RBMS3: variants seen among roughly 807,000 people sequenced by gnomAD.
RBMS3 encodes RNA binding motif single stranded interacting protein 3.
RBMS3 carries 27 observed loss-of-function variants against 66.8 expected under a neutral mutation model. The ratio of observed to expected loss-of-function variants is 0.40; its 90% CI spans 0.30 to 0.56. The LOEUF (loss-of-function observed/expected upper bound fraction) is 0.56. Among genes scored for constraint, RBMS3 ranks in the 20% least tolerant of loss-of-function variants. The pLI, the probability that RBMS3 is intolerant of heterozygous loss-of-function variation, is 0.40. For missense variants in RBMS3, 513 were observed against 549.5 expected (o/e 0.93, Z 0.66); for synonymous variants, 188 against 183.0 (o/e 1.03, Z -0.22).
intron 6 of RBMS3, among the ~76,000 whole-genome samples, chr3:29,838,321 A>G (rs1468409443): frequency 6.6e-6 from 1 of 152,098 alleles, no homozygotes; most frequent in Non-Finnish European, 1.5e-5. Context: ...CCTGGGTGAT[A>G]GAGTGAGACC....
At chr3:29,953,000 G>T (rs551091634) in intron 12 of RBMS3, among the ~76,000 whole-genome samples, 1 of 151,892 alleles carries the variant, frequency 6.6e-6, no homozygotes, top group South Asian at 2.1e-4. Flanking sequence ...GAAAACCAAG[G>T]ATCAACTATA....
intron 3 of RBMS3, among the ~76,000 whole-genome samples, chr3:29,584,763 A>T (rs1179548728): frequency 6.6e-6 from 1 of 152,102 alleles, no homozygotes; most frequent in Non-Finnish European, 1.5e-5. Context: ...TGCCTCCAAA[A>T]TATAACTCAA....
At chr3:29,824,079 C>G (rs2058140681) in intron 6 of RBMS3, among the ~76,000 whole-genome samples, 1 of 151,922 alleles carries the variant, frequency 6.6e-6, no homozygotes, top group Non-Finnish European at 1.5e-5. Flanking sequence ...TACATTTAAA[C>G]TAGTTGCTAT....
intron 6 of RBMS3, among the ~76,000 whole-genome samples, chr3:29,805,724 G>A (rs2057526149): frequency 6.6e-6 from 1 of 151,996 alleles, no homozygotes; most frequent in African/African-American, 2.4e-5. Flanking sequence ...TGTACAATGT[G>A]TTTGTGTTTT....
intron 8 of RBMS3, among the ~76,000 whole-genome samples, chr3:29,892,467 C>T (rs866240543): frequency 5.9e-5 from 9 of 151,464 alleles, no homozygotes; most frequent in South Asian, 2.1e-4. Flanking sequence ...TAGCTCCCCC[C>T]TCTCCTCCAG....
chr3:29,379,864 TG>T (rs1298166554), intron 1 of RBMS3, among the ~76,000 whole-genome samples: 1 of 152,180 alleles, frequency 6.6e-6, no homozygotes, highest in Non-Finnish European at 1.5e-5. Context: ...TTTCAGTCTG[TG>T]ATCAGAGCTC....
At chr3:29,464,810 T>C (rs79974503) in intron 2 of RBMS3, among the ~76,000 whole-genome samples, 5 of 152,310 alleles carry the variant, frequency 3.3e-5, no homozygotes, top group Non-Finnish European at 1.5e-5. Context: ...GCTTCCAGCA[T>C]AGATGTATCC....
At chr3:29,842,082 A>G (rs940687514) in intron 6 of RBMS3, among the ~76,000 whole-genome samples, 1 of 152,072 alleles carries the variant, frequency 6.6e-6, no homozygotes, top group African/African-American at 2.4e-5. Flanking sequence ...TTACACTTTT[A>G]CCATCATCTA....
At chr3:29,409,835 G>A (rs2040188885) in intron 1 of RBMS3, among the ~76,000 whole-genome samples, 1 of 152,194 alleles carries the variant, frequency 6.6e-6, no homozygotes, top group African/African-American at 2.4e-5. Flanking sequence ...GCAAGTTGCA[G>A]TATGTAACAC....
chr3:29,331,798 C>G (rs1185303679), intron 1 of RBMS3, among the ~76,000 whole-genome samples: 2 of 143,816 alleles, frequency 1.4e-5, no homozygotes, highest in Non-Finnish European at 3.0e-5. Context: ...AAAACTTACT[C>G]AAACCCAGGA....
At chr3:29,992,648 G>C (rs938733348) in intron 14 of RBMS3, among the ~76,000 whole-genome samples, 1 of 152,118 alleles carries the variant, frequency 6.6e-6, no homozygotes, top group Non-Finnish European at 1.5e-5. Context: ...TAGGGGAAGA[G>C]AGAGCATGCT....
At chr3:29,722,297 A>G (rs1225836984) in intron 4 of RBMS3, among the ~76,000 whole-genome samples, 2 of 151,458 alleles carry the variant, frequency 1.3e-5, no homozygotes, top group Non-Finnish European at 3.0e-5. Context: ...CATCTCTTAC[A>G]TTTGCTTTAT....
intron 2 of RBMS3, among the ~76,000 whole-genome samples, chr3:29,458,158 A>T (rs2042256410): frequency 6.6e-6 from 1 of 152,184 alleles, no homozygotes; most frequent in African/African-American, 2.4e-5. Context: ...ACCAGACTGT[A>T]AGTTTCTTGC....
intron 6 of RBMS3, among the ~76,000 whole-genome samples, chr3:29,815,311 G>T (rs1216050630): frequency 6.6e-6 from 1 of 152,104 alleles, no homozygotes; most frequent in Non-Finnish European, 1.5e-5. Flanking sequence ...CAAATACCCT[G>T]CAGCAATTAT....
chr3:29,514,650 C>CATATATATATATAT (rs10601940), intron 3 of RBMS3, among the ~76,000 whole-genome samples: 2,524 of 103,298 alleles, frequency 0.024, 76 homozygotes, highest in African/African-American at 0.055. Flanking sequence ...GTGATAGGCA[C>CATATATATATATAT]ATATATATAT....
intron 6 of RBMS3, among the ~76,000 whole-genome samples, chr3:29,763,333 A>G (rs895234873): frequency 6.6e-6 from 1 of 152,066 alleles, no homozygotes; most frequent in African/African-American, 2.4e-5. Flanking sequence ...CCAAACAATG[A>G]TATTCACAAT....
chr3:29,762,652 G>T (rs918187851), intron 5 of RBMS3, among the ~76,000 whole-genome samples: 2 of 152,042 alleles, frequency 1.3e-5, no homozygotes, highest in East Asian at 1.9e-4. Context: ...AGATAATGCC[G>T]CAGGGTTACC....
intron 10 of RBMS3, among the ~76,000 whole-genome samples, chr3:29,902,240 A>C (rs2060272341): frequency 6.6e-6 from 1 of 151,936 alleles, no homozygotes; most frequent in South Asian, 2.1e-4. Flanking sequence ...TCATTAAATG[A>C]AATAAGGCAT....
chr3:29,388,256 GTT>G (rs1239417492), intron 1 of RBMS3, among the ~76,000 whole-genome samples: 1 of 152,134 alleles, frequency 6.6e-6, no homozygotes, highest in African/African-American at 2.4e-5. Flanking sequence ...CGGTTTGCTT[GTT>G]GTCTGACTCT....
Sources: allele counts gnomAD v4.1 joint callset (sites outside exome capture counted in the v4.1 genomes callset), GRCh38; gene constraint gnomAD v4.1.1; transcripts MANE v1.5; gene names NCBI Gene and HGNC (gene_info 2026-07-23, HGNC 2026-07-21).